ROBO1: variants seen among roughly 807,000 people sequenced by gnomAD.
The protein encoded by ROBO1 is roundabout homolog 1.
ROBO1 carries 149 observed loss-of-function variants against 195.9 expected under a neutral mutation model. That is an observed-to-expected ratio of 0.76 (90% CI 0.67 to 0.87). The LOEUF is 0.87. ROBO1 is among the 40% of genes least tolerant of loss of function. The probability of loss-of-function intolerance (pLI) is 0.00; values close to 1 mark genes in which losing one functional copy is unlikely to be tolerated. For missense variants in ROBO1, 1,933 were observed against 2,068.3 expected (o/e 0.93, Z 1.27); for synonymous variants, 816 against 733.2 (o/e 1.11, Z -1.82).
At chr3:79,576,785 A>G (rs1943501241) in intron 2 of ROBO1, among the ~76,000 whole-genome samples, 1 of 152,206 alleles carries the variant, frequency 6.6e-6, no homozygotes, top group African/African-American at 2.4e-5. Flanking sequence ...GAATTCAGAA[A>G]AAGATTAATT....
chr3:79,645,644 G>A (rs555715322), intron 1 of ROBO1, among the ~76,000 whole-genome samples: 3 of 152,026 alleles, frequency 2.0e-5, no homozygotes, highest in South Asian at 2.1e-4. Flanking sequence ...ATATTGAACC[G>A]TAATAGACCC....
chr3:79,087,754 G>C (rs1037495881), intron 3 of ROBO1, among the ~76,000 whole-genome samples: 2 of 151,718 alleles, frequency 1.3e-5, no homozygotes, highest in African/African-American at 4.8e-5. Context: ...GAAAAATTTA[G>C]AAAAAAAGTC....
At chr3:79,512,040 C>A (rs1454612345) in intron 2 of ROBO1, among the ~76,000 whole-genome samples, 1 of 151,950 alleles carries the variant, frequency 6.6e-6, no homozygotes. Flanking sequence ...ACCTTTGTAA[C>A]TAAAATGCAC....
chr3:79,270,716 A>G (rs1309785359), intron 2 of ROBO1, among the ~76,000 whole-genome samples: 1 of 151,872 alleles, frequency 6.6e-6, no homozygotes, highest in Non-Finnish European at 1.5e-5. Flanking sequence ...TAGGGCTGCC[A>G]ATTTATGACC....
At chr3:79,321,483 T>C (rs2033978652) in intron 2 of ROBO1, among the ~76,000 whole-genome samples, 1 of 152,206 alleles carries the variant, frequency 6.6e-6, no homozygotes, top group African/African-American at 2.4e-5. Flanking sequence ...TAGGATACTA[T>C]ATATGTACAC....
intron 26 of ROBO1, among the ~76,000 whole-genome samples, chr3:78,624,835 G>A (rs930985924): frequency 1.3e-5 from 2 of 152,118 alleles, no homozygotes; most frequent in Non-Finnish European, 2.9e-5. Flanking sequence ...AGCAGAGGAC[G>A]TGTCCTTTGA....
At chr3:78,636,935 TTATATATATATATA>T (rs55894934) in intron 22 of ROBO1, among the ~76,000 whole-genome samples, 4,109 of 96,682 alleles carry the variant, frequency 0.043, 231 homozygotes, top group African/African-American at 0.12. Context: ...TACATTCATT[TTATATATATATATA>T]TATATATATA....
At chr3:79,094,347 G>T (rs1032282860) in intron 3 of ROBO1, among the ~76,000 whole-genome samples, 7 of 152,104 alleles carry the variant, frequency 4.6e-5, no homozygotes, top group African/African-American at 1.7e-4. Context: ...AAGGTCAATG[G>T]TTCACTAACA....
intron 3 of ROBO1, among the ~76,000 whole-genome samples, chr3:79,106,994 A>T (rs538980037): frequency 6.6e-6 from 1 of 151,776 alleles, no homozygotes; most frequent in East Asian, 1.9e-4. Context: ...AGTCAACACA[A>T]AATATATCAT....
At chr3:79,018,991 G>A in intron 3 of ROBO1, 2 of 990,358 alleles carry the variant, frequency 2.0e-6, no homozygotes, top group Non-Finnish European at 1.2e-6. Context: ...CAGCAGCTCC[G>A]GAGGAAGGGC....
At chr3:79,659,979 G>T (rs1181123961) in intron 1 of ROBO1, among the ~76,000 whole-genome samples, 2 of 152,038 alleles carry the variant, frequency 1.3e-5, no homozygotes, top group Non-Finnish European at 2.9e-5. Context: ...CCCTCAAAGA[G>T]ACTACATGGC....
chr3:78,700,215 T>C (rs1383194451), intron 8 of ROBO1, among the ~76,000 whole-genome samples: 1 of 152,180 alleles, frequency 6.6e-6, no homozygotes, highest in Non-Finnish European at 1.5e-5. Context: ...TAAGAGTCCA[T>C]TTTTCATATT....
intron 2 of ROBO1, among the ~76,000 whole-genome samples, chr3:79,239,013 C>T (rs1007153337): frequency 6.6e-6 from 1 of 152,170 alleles, no homozygotes. Context: ...TGTAAAATCC[C>T]TAACACAGCA....
At chr3:79,267,602 A>G (rs2030098422) in intron 2 of ROBO1, among the ~76,000 whole-genome samples, 1 of 150,948 alleles carries the variant, frequency 6.6e-6, no homozygotes, top group Admixed American at 6.6e-5. Flanking sequence ...GAAAGCTTGG[A>G]AAGACCCATC....
intron 2 of ROBO1, among the ~76,000 whole-genome samples, chr3:79,220,792 C>T (rs2082124068): frequency 6.6e-6 from 1 of 152,048 alleles, no homozygotes; most frequent in Admixed American, 6.6e-5. Context: ...AGGTAATTGA[C>T]AAATTTTCAA....
chr3:78,720,599 T>C (rs1192311357), intron 5 of ROBO1, among the ~76,000 whole-genome samples: 3 of 152,196 alleles, frequency 2.0e-5, no homozygotes, highest in Admixed American at 6.5e-5. Flanking sequence ...ACTGGGTATA[T>C]ACCCAAAGGA....
intron 1 of ROBO1, among the ~76,000 whole-genome samples, chr3:79,755,876 G>A (rs1011108108): frequency 2.0e-5 from 3 of 152,136 alleles, no homozygotes; most frequent in Admixed American, 6.5e-5. Flanking sequence ...CCTTGATCTG[G>A]CAGTTTGCAT....
At chr3:79,141,032 C>T (rs936476892) in intron 2 of ROBO1, among the ~76,000 whole-genome samples, 5 of 152,178 alleles carry the variant, frequency 3.3e-5, no homozygotes, top group Admixed American at 6.6e-5. Context: ...ATTGAAATTA[C>T]CCCGCAGATT....
intron 1 of ROBO1, among the ~76,000 whole-genome samples, chr3:79,597,436 A>G (rs1944211034): frequency 6.6e-6 from 1 of 152,050 alleles, no homozygotes; most frequent in Non-Finnish European, 1.5e-5. Context: ...TTAAAATGGC[A>G]TACACATAAA....
Sources: gnomAD v4.1 joint callset for allele counts (sites outside exome capture counted in the v4.1 genomes callset) on GRCh38, gnomAD v4.1.1 for gene constraint, MANE v1.5 for transcripts, NCBI Gene and HGNC (gene_info 2026-07-23, HGNC 2026-07-21) for gene names.